Variants in LRRC3C observed in about 807,000 individuals in gnomAD.
LRRC3C encodes the protein leucine rich repeat containing 3C.
A neutral mutation model predicts 14.8 loss-of-function variants in LRRC3C; 11 were observed. That is an observed-to-expected ratio of 0.74 (90% CI 0.47 to 1.23). The LOEUF (loss-of-function observed/expected upper bound fraction) is 1.23, where lower values mean the gene tolerates loss of function less well. Among genes scored for constraint, LRRC3C ranks in the 50% most tolerant of loss-of-function variants. The pLI, the probability that LRRC3C is intolerant of heterozygous loss-of-function variation, is 0.00. For missense variants in LRRC3C, 354 were observed against 361.8 expected, an observed-to-expected ratio of 0.98 and a Z score of 0.18; for synonymous variants, 149 against 161.5, an observed-to-expected ratio of 0.92 and a Z score of 0.59.
chr17:39,943,044 T>G (rs1978980742), intron 3 of LRRC3C, among the ~76,000 whole-genome samples: 2 of 152,130 alleles, frequency 1.3e-5, no homozygotes, highest in South Asian at 4.2e-4. Flanking sequence ...GGTCCTGGTC[T>G]CCCCACAACA....
At chr17:39,928,728 T>C (rs952337577) in intron 1 of LRRC3C, among the ~76,000 whole-genome samples, 1 of 152,212 alleles carries the variant, frequency 6.6e-6, no homozygotes, top group Non-Finnish European at 1.5e-5. Flanking sequence ...CATGGCACCC[T>C]GAACTGAAAG....
intron 1 of LRRC3C, among the ~76,000 whole-genome samples, chr17:39,931,175 G>A (rs935301239): frequency 1.3e-5 from 2 of 149,666 alleles, no homozygotes; most frequent in African/African-American, 2.5e-5. Flanking sequence ...GGCTGGGTGC[G>A]TTGGATCACA....
Position 39,944,406 on chromosome 17 carries a change from C to A in LRRC3C, c.500C>A (p.Ala167Asp), listed in dbSNP as rs1473801012. Residue 167 changes from alanine (A) to aspartate (D), a missense_variant, in exon 4 of 4, where the codon GCC (alanine) becomes GAC (aspartate). By Grantham distance (126) the Ala-to-Asp change is moderately radical. Coordinates refer to ENST00000377924, the MANE Select transcript of LRRC3C (RefSeq NM_001195545.2). ...LSANPWHCDC[A>D]LQEVLRQVRL... ...GCAAACCCATGGCACTGTGACTGCG[C>A]CCTCCAGGAAGTGCTCCGGCAGGTG... 6.6e-7 allele frequency: 1 copy of A among 1,506,770 alleles called. No homozygotes were observed. The highest frequency in any genetic ancestry group is 2.1e-5 in the Admixed American group (1 of 48,154). The allele number at this position is 1,506,770 out of a possible 1,614,324, so 93.3% of individuals were successfully genotyped here.
chr17:39,942,106 A>G lies in LRRC3C; in HGVS notation c.26+557A>G, dbSNP rs571980677. Among the ~76,000 whole-genome samples, 6 of 152,282 alleles carry G rather than the reference A, an allele frequency of 3.9e-5. No individual in the cohort carries two copies. In the South Asian group the frequency reaches 8.3e-4, roughly 21 times the overall value. On this transcript the variant is annotated intron_variant, in intron 3 of 3. Coordinates refer to ENST00000377924, the MANE Select transcript of LRRC3C (RefSeq NM_001195545.2). ...CAGCATACGAGAGGAGGTGAAGGGGAAAAGCCTGGCGTGGGTAATGAAATC... is the reference window on the plus strand; with the variant it reads ...CAGCATACGAGAGGAGGTGAAGGGGGAAAGCCTGGCGTGGGTAATGAAATC...
intron 1 of LRRC3C, among the ~76,000 whole-genome samples, chr17:39,932,527 A>ACC (rs147624649): frequency 8.4e-5 from 6 of 71,404 alleles, no homozygotes; most frequent in Admixed American, 1.7e-4. Flanking sequence ...ACGTAATGAG[A>ACC]CCCCCCCCCC....
chr17:39,929,021 G>A (rs1005200745), intron 1 of LRRC3C: 4 of 152,222 alleles, frequency 2.6e-5, no homozygotes, highest in African/African-American at 4.8e-5. Flanking sequence ...TATGTCCTGT[G>A]GAAGTTTCTC....
rs1159406458 is a variant in LRRC3C at position 39,944,935 on chromosome 17, C to T, written c.*201C>T. ...GTCTTAACCAACACCATCTTTGGTG[C>T]CTGGAGTTTTTTGGTGCCTACTCTG... On this transcript the variant is annotated 3_prime_UTR_variant, in exon 4 of 4. Coordinates refer to ENST00000377924, the MANE Select transcript of LRRC3C (RefSeq NM_001195545.2). Among the ~76,000 whole-genome samples the T allele has an allele frequency of 2.0e-5, 3 of 150,836 alleles. No homozygotes were observed. The highest frequency in any genetic ancestry group is 4.3e-4 in the South Asian group (2 of 4,682).
chr17:39,941,239 T>A (rs1978929611), intron 2 of LRRC3C, among the ~76,000 whole-genome samples: 1 of 151,242 alleles, frequency 6.6e-6, no homozygotes, highest in African/African-American at 2.4e-5. Context: ...TAGTCTCAGC[T>A]ACTCGGGAGA....
Position 39,944,115 on chromosome 17 carries a change from T to A in LRRC3C, c.209T>A (p.Leu70His), listed in dbSNP as rs1307987259. Reference sequence around the variant, plus strand: ...ACGTTCCGCTGCAGCCAGGCAGGCCTCAGTGCTGTGCCCTCCGGCATCCCC... The same window carrying A: ...ACGTTCCGCTGCAGCCAGGCAGGCCACAGTGCTGTGCCCTCCGGCATCCCC... ...ERTFRCSQAG[L>H]SAVPSGIPND... Residue 70 changes from leucine (L) to histidine (H), a missense_variant, in exon 4 of 4, where the codon CTC becomes CAC. Leu to His is a moderately conservative substitution (Grantham distance 99). Transcript: ENST00000377924. 3 of 1,536,036 alleles carry A rather than the reference T, an allele frequency of 2.0e-6. No homozygotes were observed. In the East Asian group the frequency reaches 7.3e-5, roughly 38 times the overall value.
At chr17:39,937,658 C>G (rs1419366525) in intron 2 of LRRC3C, among the ~76,000 whole-genome samples, 1 of 152,194 alleles carries the variant, frequency 6.6e-6, no homozygotes, top group Non-Finnish European at 1.5e-5. Flanking sequence ...GCTTCTCCAC[C>G]TGATTAACCC....
In LRRC3C at chr17:39,944,341, G is replaced by A. The variant is rs756521782; in HGVS notation, c.435G>A (p.Val145=). Residue 145 remains valine, a synonymous_variant, in exon 4 of 4, where the codon GTG becomes GTA. Coordinates refer to ENST00000377924, the MANE Select transcript of LRRC3C (RefSeq NM_001195545.2). The part of the protein sequence containing the change: ...LSANQLASVP[V]EAFVGLQIQV... Reference sequence around the variant, plus strand: ...CCAACCAGCTGGCCTCAGTGCCCGTGGAGGCCTTTGTGGGGCTACAGATCC... The same window carrying A: ...CCAACCAGCTGGCCTCAGTGCCCGTAGAGGCCTTTGTGGGGCTACAGATCC... The A allele has an allele frequency of 6.5e-7, 1 of 1,535,352 alleles. No homozygotes were observed. Among genetic ancestry groups the A allele is most frequent in the South Asian group, 1.2e-5 (1 of 83,880 alleles).
intron 2 of LRRC3C, 77 bp downstream of exon 2, chr17:39,935,971 C>T (rs1456759907): frequency 1.2e-6 from 1 of 854,106 alleles, no homozygotes; most frequent in Non-Finnish European, 1.4e-6. Flanking sequence ...TCAGTTATCC[C>T]CCCATCCAGG....
chr17:39,939,382 T>C, intron 2 of LRRC3C: 1 of 985,464 alleles, frequency 1.0e-6, no homozygotes, highest in Non-Finnish European at 1.2e-6. Context: ...CATCAAAGCA[T>C]TGTGGAGACA....
rs1311723782 is a variant in LRRC3C, at chr17:39,935,912, A to G, written c.-82+18A>G. The G allele has an allele frequency of 2.1e-6, 2 of 974,780 alleles. No homozygotes were observed. The highest frequency in any genetic ancestry group is 2.3e-4 in the East Asian group (2 of 8,754). 60.4% of individuals were successfully genotyped at this position (974,780 alleles called of 1,614,324 possible). A position where few individuals can be genotyped will look rare whatever the true frequency, so the allele number is the denominator to read the frequency against. ...TAAAGAAGGTAGCCCTTCCTTATCT[A>G]TCTTCTCTATCTATCTATCTACCTA... On this transcript the variant is annotated intron_variant, in intron 2 of 3. Transcript: ENST00000377924.
intron 2 of LRRC3C, among the ~76,000 whole-genome samples, chr17:39,940,347 C>A (rs1978904443): frequency 2.0e-5 from 3 of 152,208 alleles, no homozygotes; most frequent in Admixed American, 2.0e-4. Flanking sequence ...AGACCTCATG[C>A]CCTGTGCTCA....
rs527736517 is a variant in LRRC3C at position 39,944,621 on chromosome 17, T to G, written c.715T>G (p.Tyr239Asp). The G allele has an allele frequency of 3.8e-4, 579 of 1,535,790 alleles. 3 individuals are homozygous for G. The highest frequency in any genetic ancestry group is 2.7e-3 in the Middle Eastern group (16 of 5,988). The stretch of plus-strand genomic sequence containing the variant: ...GGGCTGGCTGACACTCATGGTGGCT[T>G]ATCTGGTGCATTATGTGTGGCAGAA... ...MGGWLTLMVA[Y>D]LVHYVWQNRD... Residue 239 changes from tyrosine to aspartate, a missense_variant, in exon 4 of 4, where the codon TAT (tyrosine) becomes GAT (aspartate). Physicochemically the swap from Tyr to Asp is radical, Grantham distance 160. Transcript: ENST00000377924.
In LRRC3C at chr17:39,943,896, G is replaced by C. The variant is rs904491918; in HGVS notation, c.27-37G>C. ...TGGCAGTGGGGCATGCGATTCTCTT[G>C]ACTCACTCCTCCTTTATGTGGCCTT... On this transcript the variant is annotated intron_variant, in intron 3 of 3. Transcript: ENST00000377924. 1.6e-5 allele frequency: 24 copies of C among 1,530,714 alleles called. No individual in the cohort carries two copies. In the African/African-American group the frequency reaches 3.2e-4, roughly 20 times the overall value. The allele number at this position is 1,530,714 out of a possible 1,614,324, so 94.8% of individuals were successfully genotyped here.
At chr17:39,930,929 G>A (rs998313702) in intron 1 of LRRC3C, among the ~76,000 whole-genome samples, 2 of 150,896 alleles carry the variant, frequency 1.3e-5, no homozygotes, top group African/African-American at 4.9e-5. Context: ...ATCACCTGAG[G>A]TCAGGAGTTC....
chr17:39,941,381 C>G, intron 2 of LRRC3C, 62 bp from the exon 3 acceptor site: 18 of 367,168 alleles, frequency 4.9e-5, no homozygotes, highest in East Asian at 1.8e-4. Context: ...GGAAGAAATT[C>G]TTAACAGGTT....
Sources: gnomAD v4.1 joint callset for allele counts (sites outside exome capture counted in the v4.1 genomes callset) on GRCh38, gnomAD v4.1.1 for gene constraint, MANE v1.5 for transcripts, NCBI Gene and HGNC (gene_info 2026-07-23, HGNC 2026-07-21) for gene names.